Variants in DRC4 observed in about 807,000 individuals in gnomAD.
DRC4 encodes the protein dynein regulatory complex subunit 4.
the DRC4 span, among the ~76,000 whole-genome samples, chr16:90,024,118 A>G: frequency 6.7e-6 from 1 of 148,626 alleles, no homozygotes; most frequent in South Asian, 2.1e-4. Context: ...TGTCTTTACT[A>G]AAAATACACA....
At chr16:90,044,337 C>A in the DRC4 span, 154 of 411,402 alleles carry the variant, frequency 3.7e-4, no homozygotes, top group Non-Finnish European at 6.4e-4. Flanking sequence ...CTATTGCTGC[C>A]TGGACACCTT....
At chr16:90,042,566 C>T in the DRC4 span, 5 of 1,592,008 alleles carry the variant, frequency 3.1e-6, no homozygotes, top group African/African-American at 2.7e-5. Flanking sequence ...CCCTCAGGGG[C>T]ACCCCCTCGG....
the DRC4 span, among the ~76,000 whole-genome samples, chr16:90,034,601 G>A: frequency 2.0e-5 from 3 of 152,170 alleles, no homozygotes; most frequent in African/African-American, 4.8e-5. Flanking sequence ...CAGCCTGGGC[G>A]ACAGTGTGAG....
At chr16:90,043,986 C>A in the DRC4 span, 5 of 417,886 alleles carry the variant, frequency 1.2e-5, no homozygotes, top group African/African-American at 2.1e-5. Flanking sequence ...ATGGTTAAAA[C>A]AACCTGAGAT....
the DRC4 span, chr16:90,031,467 G>A: frequency 1.9e-6 from 3 of 1,580,946 alleles, no homozygotes; most frequent in South Asian, 2.3e-5. Flanking sequence ...GATGGAAGAA[G>A]CCGAGGAGAG....
chr16:90,029,173 C>A, the DRC4 span: 1 of 1,340,514 alleles, frequency 7.5e-7, no homozygotes, highest in South Asian at 1.2e-5. Flanking sequence ...TACGGGGCAG[C>A]TTACGGGGCA....
At chr16:90,041,570 C>CCA in the DRC4 span, among the ~76,000 whole-genome samples, 2 of 152,200 alleles carry the variant, frequency 1.3e-5, no homozygotes, top group African/African-American at 4.8e-5. Flanking sequence ...CTTTGGGAGG[C>CCA]TGAGGTGGGC....
the DRC4 span, among the ~76,000 whole-genome samples, chr16:90,024,576 A>G: frequency 6.6e-6 from 1 of 152,200 alleles, no homozygotes; most frequent in South Asian, 2.1e-4. Context: ...GGGTCTTCAC[A>G]ATGCCTGGGA....
chr16:90,028,152 T>G, the DRC4 span, among the ~76,000 whole-genome samples: 1 of 148,510 alleles, frequency 6.7e-6, no homozygotes, highest in Non-Finnish European at 1.5e-5. Context: ...TCAAATCACA[T>G]CTGAATCTGA....
chr16:90,037,918 G>C, the DRC4 span: 2 of 1,405,364 alleles, frequency 1.4e-6, no homozygotes, highest in Non-Finnish European at 2.0e-6. Context: ...AGTTCACCAA[G>C]GTGAGCGGGC....
chr16:90,037,207 G>T, the DRC4 span: 1 of 1,583,020 alleles, frequency 6.3e-7, no homozygotes, highest in Non-Finnish European at 8.6e-7. Flanking sequence ...CTGAGCCCCT[G>T]CCGGGCCTGT....
At chr16:90,041,359 T>C in the DRC4 span, among the ~76,000 whole-genome samples, 8 of 152,194 alleles carry the variant, frequency 5.3e-5, no homozygotes, top group African/African-American at 1.9e-4. Flanking sequence ...GGCTGCTGTG[T>C]CAGTGGGCAG....
the DRC4 span, chr16:90,030,050 C>T: frequency 6.6e-6 from 1 of 152,214 alleles, no homozygotes; most frequent in Non-Finnish European, 1.5e-5. Context: ...AGCCACCGCG[C>T]CTGGCAGTAA....
chr16:90,026,896 CT>C, the DRC4 span, among the ~76,000 whole-genome samples: 67,634 of 142,314 alleles, frequency 0.48, 16,148 homozygotes, highest in East Asian at 0.82. Flanking sequence ...CCTCTCTTTT[CT>C]TTTTTTTTTT....
the DRC4 span, among the ~76,000 whole-genome samples, chr16:90,041,544 G>A: frequency 2.0e-4 from 30 of 152,286 alleles, no homozygotes; most frequent in East Asian, 3.3e-3. Flanking sequence ...GGTGGCTCAC[G>A]CCTGTAATCC....
the DRC4 span, chr16:90,035,665 T>A: frequency 6.2e-7 from 1 of 1,614,160 alleles, no homozygotes; most frequent in African/African-American, 1.3e-5. Flanking sequence ...GGATGCGGAA[T>A]GATTTTGAGA....
At chr16:90,019,760 C>G in the DRC4 span, 1 of 680,978 alleles carries the variant, frequency 1.5e-6, no homozygotes, top group South Asian at 1.5e-5. This position sits in a 1 kb window ranked among gnomAD's most constrained non-coding sequence, Gnocchi z 6.1. Flanking sequence ...TCCTCTTGTT[C>G]TCTTCCAGGT....
At chr16:90,024,580 C>T in the DRC4 span, among the ~76,000 whole-genome samples, 1 of 152,114 alleles carries the variant, frequency 6.6e-6, no homozygotes, top group Non-Finnish European at 1.5e-5. Flanking sequence ...CTTCACAATG[C>T]CTGGGAAGGG....
At chr16:90,031,484 G>GGT in the DRC4 span, 2 of 1,564,946 alleles carry the variant, frequency 1.3e-6, no homozygotes, top group Non-Finnish European at 1.7e-6. Flanking sequence ...AGAGGCACCA[G>GGT]GTGGAGATCA....
Sources: allele counts gnomAD v4.1 joint callset (sites outside exome capture counted in the v4.1 genomes callset), GRCh38; gene constraint gnomAD v4.1.1; non-coding constraint Gnocchi (gnomAD v3.1); transcripts MANE v1.5; gene names NCBI Gene and HGNC (gene_info 2026-07-23, HGNC 2026-07-21).